Variants in ZNF33A observed in about 807,000 individuals in gnomAD.
ZNF33A encodes zinc finger protein 33A.
A neutral mutation model predicts 15.9 loss-of-function variants in ZNF33A; 9 were observed. The ratio of observed to expected loss-of-function variants is 0.57; its 90% CI spans 0.34 to 0.99. The LOEUF is 0.99. Among genes scored for constraint, ZNF33A ranks in the 50% least tolerant of loss-of-function variants. The pLI, the probability that ZNF33A is intolerant of heterozygous loss-of-function variation, is 0.02. For missense variants in ZNF33A, 843 were observed against 941.6 expected (o/e 0.90, Z 1.37); for synonymous variants, 294 against 324.2 (o/e 0.91, Z 1.00).
intron 3 of ZNF33A, 120 bp from the exon 4 acceptor site, chr10:38,017,171 C>T (rs914836298): frequency 2.9e-6 from 4 of 1,372,582 alleles, no homozygotes; most frequent in Non-Finnish European, 4.0e-6. Context: ...TACTTGTGTT[C>T]ACCTCTCCAG....
intron 4 of ZNF33A, among the ~76,000 whole-genome samples, chr10:38,020,820 G>A (rs2064703540): frequency 6.6e-6 from 1 of 152,160 alleles, no homozygotes; most frequent in Admixed American, 6.5e-5. Context: ...TCTCATTGAT[G>A]TACTGATTTC....
At chr10:38,010,843 G>C in intron 1 of ZNF33A, 60 bp downstream of exon 1, 2 of 1,590,200 alleles carry the variant, frequency 1.3e-6, no homozygotes, top group South Asian at 2.2e-5. Context: ...CCTGGGGCGG[G>C]CGGCAGGGGG....
At chr10:38,021,488 A>G (rs1263536875) in intron 4 of ZNF33A, among the ~76,000 whole-genome samples, 1 of 124,704 alleles carries the variant, frequency 8.0e-6, no homozygotes, top group African/African-American at 3.0e-5. Context: ...TAAAAATACA[A>G]AAATTAGCCA....
intron 4 of ZNF33A, among the ~76,000 whole-genome samples, chr10:38,052,760 T>C (rs2066264377): frequency 6.6e-6 from 1 of 152,098 alleles, no homozygotes. Context: ...GGTCTTTTTG[T>C]CCAGAGTACT....
At position 38,010,801 on chromosome 10, in the gene ZNF33A, G is replaced by A. The variant is rs1366436165; in HGVS notation, c.-45+18G>A. 3.1e-6 allele frequency: 5 copies of A among 1,597,906 alleles called. No homozygotes were observed. The highest frequency in any genetic ancestry group is 1.7e-5 in the Admixed American group (1 of 60,000). On this transcript the variant is annotated intron_variant, in intron 1 of 4. Coordinates refer to ENST00000432900, the MANE Select transcript of ZNF33A (RefSeq NM_006954.2). Reference sequence around the variant, plus strand: ...GGAGTGGGGTAAGCCCCAGTGGGTTGGGCAGGGAGAGAGAGGGAGCCCCGC... The same window carrying A: ...GGAGTGGGGTAAGCCCCAGTGGGTTAGGCAGGGAGAGAGAGGGAGCCCCGC...
At chr10:38,013,245 G>C (rs1340566456) in intron 2 of ZNF33A, among the ~76,000 whole-genome samples, 10 of 151,930 alleles carry the variant, frequency 6.6e-5, no homozygotes, top group African/African-American at 2.4e-4. Context: ...CGAGTAGCTG[G>C]GACTACAGGC....
intron 4 of ZNF33A, among the ~76,000 whole-genome samples, chr10:38,045,923 G>A (rs2065927457): frequency 6.6e-6 from 1 of 152,184 alleles, no homozygotes; most frequent in Admixed American, 6.5e-5. Context: ...AGAGGCTACA[G>A]CAGTGTTTTG....
At chr10:38,019,420 A>G (rs1016653976) in intron 4 of ZNF33A, among the ~76,000 whole-genome samples, 1 of 152,106 alleles carries the variant, frequency 6.6e-6, no homozygotes, top group African/African-American at 2.4e-5. Flanking sequence ...AGTCTTTGCT[A>G]TTGTGAATAG....
rs781348882 is a variant in ZNF33A at position 38,016,993 on chromosome 10, C to T, written c.132C>T (p.Asn44=). 2 of 1,606,490 alleles carry T rather than the reference C, an allele frequency of 1.2e-6. No individual in the cohort carries two copies. The highest frequency in any genetic ancestry group is 1.1e-5 in the South Asian group (1 of 89,842). The change falls in exon 3 of 5, where the codon AAC becomes AAT. Residue 44 remains asparagine (N), a synonymous_variant. Coordinates refer to ENST00000432900, the MANE Select transcript of ZNF33A (RefSeq NM_006954.2). ...RALYRDVMLE[N]YSNLVSVGYC... ...TGTATAGAGATGTGATGCTGGAGAA[C>T]TACAGCAACCTTGTCTCAGTGGGTA...
chr10:38,012,550 GC>G (rs1564828770), intron 2 of ZNF33A, among the ~76,000 whole-genome samples, 200 bp downstream of exon 2: 2 of 147,584 alleles, frequency 1.4e-5, no homozygotes, highest in African/African-American at 2.5e-5. Flanking sequence ...TCCTGCCTCA[GC>G]CCCCCGAGTA....
chr10:38,014,850 G>T (rs937445383), intron 2 of ZNF33A, among the ~76,000 whole-genome samples: 18 of 152,042 alleles, frequency 1.2e-4, no homozygotes, highest in Non-Finnish European at 7.4e-5. Flanking sequence ...TTTCTTTGGG[G>T]TTGAATTGAA....
chr10:38,053,031 T>C (rs548826971), intron 4 of ZNF33A, among the ~76,000 whole-genome samples: 10 of 152,164 alleles, frequency 6.6e-5, no homozygotes, highest in African/African-American at 2.4e-4. Context: ...TCCAGAACTT[T>C]CTTTCTGATC....
intron 4 of ZNF33A, among the ~76,000 whole-genome samples, chr10:38,025,448 C>T (rs1204762060): frequency 1.3e-5 from 2 of 152,184 alleles, no homozygotes; most frequent in African/African-American, 4.8e-5. Context: ...GAGTGGGGCC[C>T]TCAAGATGAG....
intron 4 of ZNF33A, among the ~76,000 whole-genome samples, chr10:38,041,216 A>G (rs565821104): frequency 6.6e-6 from 1 of 152,232 alleles, no homozygotes; most frequent in South Asian, 2.1e-4. Flanking sequence ...TAGTGTGGCC[A>G]TCAGCAGAAT....
intron 4 of ZNF33A, among the ~76,000 whole-genome samples, chr10:38,027,836 A>G (rs1019178050): frequency 6.6e-6 from 1 of 152,090 alleles, no homozygotes; most frequent in Non-Finnish European, 1.5e-5. Context: ...GACTTAATCT[A>G]TTTTGGGTGA....
At chr10:38,067,720 G>T (rs1192754743), downstream of ZNF33A, among the ~76,000 whole-genome samples, 1 of 152,202 alleles carries the variant, frequency 6.6e-6, no homozygotes, top group Non-Finnish European at 1.5e-5. Context: ...ACACCAAAAA[G>T]TGAATCTCAT....
chr10:38,019,283 G>C (rs939655097), intron 4 of ZNF33A, among the ~76,000 whole-genome samples: 1 of 152,010 alleles, frequency 6.6e-6, no homozygotes, highest in Non-Finnish European at 1.5e-5. Flanking sequence ...ATGGTTTCCA[G>C]TTTCATCCAT....
At chr10:38,033,520 G>T (rs2065303657) in intron 4 of ZNF33A, among the ~76,000 whole-genome samples, 1 of 151,976 alleles carries the variant, frequency 6.6e-6, no homozygotes, top group Non-Finnish European at 1.5e-5. Flanking sequence ...AACTTTCTTG[G>T]GAACTGCCTG....
intron 4 of ZNF33A, among the ~76,000 whole-genome samples, chr10:38,039,789 T>C (rs1393871368): frequency 6.6e-6 from 1 of 151,974 alleles, no homozygotes; most frequent in African/African-American, 2.4e-5. Flanking sequence ...TCTTTTTCAA[T>C]GTCAGTCTAG....
Sources: allele counts gnomAD v4.1 joint callset (sites outside exome capture counted in the v4.1 genomes callset), GRCh38; gene constraint gnomAD v4.1.1; transcripts MANE v1.5; gene names NCBI Gene and HGNC (gene_info 2026-07-23, HGNC 2026-07-21).